The following PPFIBP1 variants were observed in gnomAD, a reference collection of about 807,000 sequenced individuals.
PPFIBP1 encodes liprin-beta-1.
In PPFIBP1, 112 loss-of-function variants were observed where a neutral mutation model predicts 137.8. The observed-to-expected ratio is 0.81, with a 90% CI of 0.70 to 0.95. The LOEUF (loss-of-function observed/expected upper bound fraction) is 0.95, where lower values mean the gene tolerates loss of function less well. Ranked by LOEUF, PPFIBP1 falls within the 40% of genes least tolerant of loss-of-function variation. The probability of loss-of-function intolerance (pLI) is 0.00; values close to 1 mark genes in which losing one functional copy is unlikely to be tolerated. For missense variants in PPFIBP1, 1,083 were observed against 1,196.6 expected (o/e 0.91, Z 1.40); for synonymous variants, 378 against 417.3 (o/e 0.91, Z 1.15).
At chr12:27,604,748 C>T (rs1432171859) in intron 2 of PPFIBP1, among the ~76,000 whole-genome samples, 1 of 152,140 alleles carries the variant, frequency 6.6e-6, no homozygotes, top group African/African-American at 2.4e-5. Context: ...AGCTCTTTAC[C>T]TATATTAGTC....
chr12:27,615,892 A>G (rs576305895), intron 2 of PPFIBP1, among the ~76,000 whole-genome samples: 1 of 152,246 alleles, frequency 6.6e-6, no homozygotes, highest in South Asian at 2.1e-4. Flanking sequence ...TTGTCCCAGG[A>G]TAACTCAGAT....
At chr12:27,677,259 GT>G in intron 19 of PPFIBP1, 163 bp downstream of exon 19, 1 of 801,996 alleles carries the variant, frequency 1.2e-6, no homozygotes, top group Non-Finnish European at 2.0e-6. Context: ...AAAGGACTCT[GT>G]AGAGGCTTTG....
intron 2 of PPFIBP1, among the ~76,000 whole-genome samples, chr12:27,631,724 C>T (rs77720834): frequency 0.017 from 2,526 of 152,026 alleles, 36 homozygotes; most frequent in Middle Eastern, 0.078. Flanking sequence ...GAGAAGAACT[C>T]GGTAACTATT....
rs577922593 is a variant in PPFIBP1, at chr12:27,691,827, A to G, written c.2764A>G (p.Met922Val). ...AGATGGTGAAGAATATGTTTGTCCA[A>G]TGGAATTGGGACAGGCATCAGGAAG... The part of the protein sequence containing the change: ...QEDGEEYVCP[M>V]ELGQASGSAS... Residue 922 changes from methionine to valine, a missense_variant, in exon 28 of 30, where the codon ATG becomes GTG. Met to Val is a conservative substitution (Grantham distance 21). Transcript: ENST00000228425. 8.2e-5 allele frequency: 133 copies of G among 1,614,032 alleles called. 1 individual carries two copies. Among genetic ancestry groups the G allele is most frequent in the African/African-American group, 3.9e-4 (29 of 75,066 alleles).
intron 2 of PPFIBP1, among the ~76,000 whole-genome samples, chr12:27,623,553 T>A (rs2056536213): frequency 1.3e-5 from 2 of 151,910 alleles, no homozygotes; most frequent in Non-Finnish European, 2.9e-5. Flanking sequence ...ATAAAAATTT[T>A]AAAAATCAGC....
At chr12:27,633,986 A>C (rs1312603483) in intron 3 of PPFIBP1, among the ~76,000 whole-genome samples, 1 of 150,956 alleles carries the variant, frequency 6.6e-6, no homozygotes, top group East Asian at 1.9e-4. Flanking sequence ...ACAGGCACCC[A>C]CCACCACGCC....
At chr12:27,579,027 T>C (rs1180238710) in intron 2 of PPFIBP1, among the ~76,000 whole-genome samples, 1 of 152,202 alleles carries the variant, frequency 6.6e-6, no homozygotes, top group Non-Finnish European at 1.5e-5. Flanking sequence ...CAATAAGAGA[T>C]TGGAACCTTC....
chr12:27,560,373 C>T (rs560580112), intron 1 of PPFIBP1, among the ~76,000 whole-genome samples: 23 of 152,030 alleles, frequency 1.5e-4, no homozygotes, highest in Admixed American at 1.3e-4. Context: ...TGTAGCAAAA[C>T]CTCAAGGATT....
chr12:27,593,744 G>T, intron 2 of PPFIBP1: 1 of 671,326 alleles, frequency 1.5e-6, no homozygotes, highest in Non-Finnish European at 2.5e-6. Flanking sequence ...AGTCTGTGTT[G>T]TCAGAGCCAA....
At position 27,671,488 on chromosome 12, in the gene PPFIBP1, A is replaced by C. The variant is rs775380033; in HGVS notation, c.1204A>C (p.Met402Leu). 1 of 1,604,458 alleles carries C rather than the reference A, an allele frequency of 6.2e-7. No homozygotes were observed. Among genetic ancestry groups the C allele is most frequent in the Non-Finnish European group, 8.5e-7 (1 of 1,176,454 alleles). ...IPSLLPATVS[M>L]ETSEKSKLTP... ...TTCATTATTGCCAGCAACTGTAAGC[A>C]TGGAAACTTCTGAAAAATCAAAGTT... The change falls in exon 14 of 30, where the codon ATG becomes CTG. Residue 402 changes from methionine to leucine, a missense_variant. Physicochemically the swap from Met to Leu is conservative, Grantham distance 15. Coordinates refer to ENST00000228425, the MANE Select transcript of PPFIBP1 (RefSeq NM_003622.4).
At chr12:27,570,588 A>T (rs1366778132) in intron 1 of PPFIBP1, among the ~76,000 whole-genome samples, 1 of 152,196 alleles carries the variant, frequency 6.6e-6, no homozygotes, top group African/African-American at 2.4e-5. Context: ...CACTGTCAAC[A>T]TGTTGTCATA....
chr12:27,537,396 G>A (rs61160480), intron 1 of PPFIBP1, among the ~76,000 whole-genome samples: 25,244 of 152,110 alleles, frequency 0.17, 2,358 homozygotes, highest in Middle Eastern at 0.26. Flanking sequence ...CTCCCAAAGT[G>A]CTGGGATTAC....
chr12:27,529,231 G>T (rs374559418), intron 1 of PPFIBP1, among the ~76,000 whole-genome samples: 1 of 152,218 alleles, frequency 6.6e-6, no homozygotes, highest in Admixed American at 6.5e-5. Context: ...AATAGGCCTG[G>T]ATATTTTCAC....
At position 27,586,283 on chromosome 12, in the gene PPFIBP1, G is replaced by A. The variant is rs116327063; in HGVS notation, c.-36+8044G>A. On this transcript the variant is annotated intron_variant, in intron 2 of 29. Coordinates refer to ENST00000228425, the MANE Select transcript of PPFIBP1 (RefSeq NM_003622.4). ...AACCTGGGATGGAAGAATAGGATTC[G>A]GAGAGTCTTTGAACTTTTTAAATTA... is the stretch of plus-strand genomic sequence containing the variant. 6.4e-3 allele frequency among the ~76,000 whole-genome samples: 980 copies of A among 152,282 alleles called. 9 individuals are homozygous for A. The highest frequency in any genetic ancestry group is 0.022 in the African/African-American group (928 of 41,544).
intron 1 of PPFIBP1, among the ~76,000 whole-genome samples, chr12:27,573,973 C>A (rs1176932468): frequency 7.9e-6 from 1 of 126,712 alleles, no homozygotes; most frequent in Non-Finnish European, 1.6e-5. Context: ...CAAAGTGAGA[C>A]CCTGTCTCTT....
intron 10 of PPFIBP1, among the ~76,000 whole-genome samples, chr12:27,659,064 C>G (rs897854835): frequency 6.6e-6 from 1 of 152,140 alleles, no homozygotes; most frequent in Non-Finnish European, 1.5e-5. Context: ...TCAACCTTTC[C>G]GCTCTACAGT....
rs567587707 is a variant in PPFIBP1, at chr12:27,677,890, C to G, written c.1615+794C>G. 5.1e-4 allele frequency: 77 copies of G among 152,350 alleles called. 1 individual carries two copies. The highest frequency in any genetic ancestry group is 1.6e-3 in the African/African-American group (67 of 41,576). The allele number at this position is 152,350 out of a possible 1,614,324, so 9.4% of individuals were successfully genotyped here. ...GCTGTTACCTTGTATAGATATCCAC[C>G]TATCTATTCACATGGACCAGCAAAC... is the stretch of plus-strand genomic sequence containing the variant. On this transcript the variant is annotated intron_variant, in intron 19 of 29. Coordinates refer to ENST00000228425, the MANE Select transcript of PPFIBP1 (RefSeq NM_003622.4).
At chr12:27,586,851 T>G (rs1278748612) in intron 2 of PPFIBP1, among the ~76,000 whole-genome samples, 1 of 142,178 alleles carries the variant, frequency 7.0e-6, no homozygotes, top group Non-Finnish European at 1.6e-5. Flanking sequence ...AATGTCCAAT[T>G]TGAAGAAATT....
chr12:27,561,867 A>G (rs2049193241), intron 1 of PPFIBP1, among the ~76,000 whole-genome samples: 1 of 152,092 alleles, frequency 6.6e-6, no homozygotes, highest in African/African-American at 2.4e-5. Flanking sequence ...ACATAGTGAT[A>G]GCCCATCTGT....
Sources: gnomAD v4.1 joint callset for allele counts (sites outside exome capture counted in the v4.1 genomes callset) on GRCh38, gnomAD v4.1.1 for gene constraint, MANE v1.5 for transcripts, NCBI Gene and HGNC (gene_info 2026-07-23, HGNC 2026-07-21) for gene names.